Variants in DPP9 observed in about 807,000 individuals in gnomAD.
The protein encoded by DPP9 is dipeptidyl peptidase IV-related protein-2.
DPP9 carries 50 observed loss-of-function variants against 110.7 expected under a neutral mutation model. That is an observed-to-expected ratio of 0.45 (90% CI 0.36 to 0.57). DPP9 has a LOEUF of 0.57. Among genes scored for constraint, DPP9 ranks in the 20% least tolerant of loss-of-function variants. The pLI is 0.00. For missense variants in DPP9, 1,022 were observed against 1,217.9 expected, an observed-to-expected ratio of 0.84 and a Z score of 2.39; for synonymous variants, 561 against 514.4, an observed-to-expected ratio of 1.09 and a Z score of -1.23.
Position 4,704,176 on chromosome 19 carries a change from G to T in DPP9, c.555C>A (p.Ser185Arg). 6.2e-7 allele frequency: 1 copy of T among 1,614,018 alleles called. No individual in the cohort carries two copies. The highest frequency in any genetic ancestry group is 8.5e-7 in the Non-Finnish European group (1 of 1,179,900). ...SESGLFLFQA[S>R]NSLFHCRDGG... ...CGTCGCGGCAGTGGAAGAGGCTGTT[G>T]CTGGCCTGGAAGAGGAAGAGGCCAC... The change falls in exon 6 of 22, where the codon AGC becomes AGA. Residue 185 changes from serine to arginine, a missense_variant. Transcript: ENST00000262960. The surrounding 1 kb of genome is among the most constrained non-coding windows in gnomAD (Gnocchi z 6.0).
chr19:4,702,582 T>G (rs755951750), intron 8 of DPP9, 21 bp downstream of exon 8: 2 of 1,562,088 alleles, frequency 1.3e-6, no homozygotes, highest in South Asian at 2.3e-5. Flanking sequence ...GGGAGCATGT[T>G]GAAAAATGGA....
chr19:4,709,211 C>T (rs2092721097), intron 4 of DPP9, among the ~76,000 whole-genome samples: 1 of 152,120 alleles, frequency 6.6e-6, no homozygotes, highest in Non-Finnish European at 1.5e-5. Context: ...AGCCACCACA[C>T]CCGGCCAGTT....
chr19:4,676,465 C>G lies in DPP9; in HGVS notation c.*99G>C. 2 of 1,051,598 alleles carry G rather than the reference C, an allele frequency of 1.9e-6. No individual in the cohort carries two copies. Among genetic ancestry groups the G allele is most frequent in the South Asian group, 1.4e-5 (1 of 73,132 alleles). 65.1% of individuals were successfully genotyped at this position (1,051,598 alleles called of 1,614,324 possible). A position where few individuals can be genotyped will look rare whatever the true frequency, so the allele number is the denominator to read the frequency against. On this transcript the variant is annotated 3_prime_UTR_variant, in exon 22 of 22. Coordinates refer to ENST00000262960, the MANE Select transcript of DPP9 (RefSeq NM_139159.5). The surrounding 1 kb of genome is among the most constrained non-coding windows in gnomAD (Gnocchi z 4.0). The stretch of plus-strand genomic sequence containing the variant: ...GGCCAGCGCTGGGCGGGACAAAGTG[C>G]CTCACTGGGGCCCGCGGGCCACTCA...
At position 4,698,960 on chromosome 19, in the gene DPP9, C is replaced by T. The variant is rs980787387; in HGVS notation, c.1074+1256G>A. 9.2e-5 allele frequency among the ~76,000 whole-genome samples: 14 copies of T among 151,760 alleles called. No individual in the cohort carries two copies. Among genetic ancestry groups the T allele is most frequent in the Admixed American group, 4.6e-4 (7 of 15,222 alleles). On this transcript the variant is annotated intron_variant, in intron 10 of 21. Transcript: ENST00000262960. This position sits in a 1 kb window ranked among gnomAD's most constrained non-coding sequence, Gnocchi z 4.2. ...GATCACGAGGTCAGGAGATTGAGAC[C>T]GTCCTGGCTAACACGGTGAAACCCC... is the stretch of plus-strand genomic sequence containing the variant.
intron 13 of DPP9, among the ~76,000 whole-genome samples, chr19:4,692,897 C>T (rs1042863869): frequency 6.6e-6 from 1 of 152,148 alleles, no homozygotes; most frequent in Non-Finnish European, 1.5e-5. Flanking sequence ...AGGAGGACCC[C>T]GATGCTGGCC....
chr19:4,715,883 C>G (rs967026895), intron 3 of DPP9: 1 of 152,414 alleles, frequency 6.6e-6, no homozygotes, highest in East Asian at 1.9e-4. Context: ...CACTCCCGCC[C>G]TCGTCACTTA....
intron 21 of DPP9, among the ~76,000 whole-genome samples, chr19:4,678,734 G>A (rs2089283490): frequency 6.6e-6 from 1 of 152,084 alleles, no homozygotes; most frequent in Admixed American, 6.6e-5. Flanking sequence ...TCTGTTGAAA[G>A]GCAACAGGAC....
At chr19:4,678,708 G>A (rs1830642443) in intron 21 of DPP9, among the ~76,000 whole-genome samples, 1 of 152,044 alleles carries the variant, frequency 6.6e-6, no homozygotes, top group African/African-American at 2.4e-5. Flanking sequence ...CCTGCTCTGC[G>A]GCCCCATTTC....
chr19:4,693,530 C>T lies in DPP9; in HGVS notation c.1516+1131G>A, dbSNP rs2091512948. ...GACTGGACCTGCGGAGCCCTCCGGG[C>T]ATCCATGCCGCCTCCCTCCTCTCTG... On this transcript the variant is annotated intron_variant, in intron 13 of 21. Coordinates refer to ENST00000262960, the MANE Select transcript of DPP9 (RefSeq NM_139159.5). The surrounding 1 kb of genome is among the most constrained non-coding windows in gnomAD (Gnocchi z 5.0). 6.6e-6 allele frequency among the ~76,000 whole-genome samples: 1 copy of T among 152,160 alleles called. No homozygotes were observed. Among genetic ancestry groups the T allele is most frequent in the African/African-American group, 2.4e-5 (1 of 41,444 alleles).
chr19:4,686,114 CTTTTTCTTCTTTTTT>C (rs1288674836), intron 16 of DPP9, among the ~76,000 whole-genome samples: 4 of 150,992 alleles, frequency 2.6e-5, no homozygotes, highest in Non-Finnish European at 5.9e-5. Context: ...TGTTTTTTTT[CTTTTTCTTCTTTTTT>C]TTTTTCAAGA....
intron 16 of DPP9, among the ~76,000 whole-genome samples, chr19:4,686,236 A>G (rs1180133227): frequency 6.6e-6 from 1 of 150,744 alleles, no homozygotes; most frequent in Admixed American, 6.6e-5. Context: ...TTATAGGTGC[A>G]CGGCACCACG....
intron 14 of DPP9, 99 bp downstream of exon 14, chr19:4,690,779 G>T: frequency 1.1e-6 from 1 of 912,438 alleles, no homozygotes; most frequent in Non-Finnish European, 1.7e-6. Context: ...GTATGTGTGT[G>T]AGTGTATGTG....
chr19:4,720,082 CT>C, intron 2 of DPP9, 141 bp from the exon 3 acceptor site: 1 of 693,168 alleles, frequency 1.4e-6, no homozygotes, highest in Non-Finnish European at 2.5e-6. Context: ...CAAGGGCATT[CT>C]GAAGAGACGA....
intron 1 of DPP9, 60 bp from the exon 2 acceptor site, chr19:4,722,611 C>A: frequency 1.4e-6 from 1 of 700,910 alleles, no homozygotes; most frequent in South Asian, 1.5e-5. Context: ...GCCAGCCGTT[C>A]AGCCTCCCCC....
rs1214169782 is a variant in DPP9, at chr19:4,704,528, A to G, written c.427-224T>C. ...CCCTGCAGGACTGGCTGAGTGTCCT[A>G]GGAGGTGGCAGGGGAGACTCTGGGG... On this transcript the variant is annotated intron_variant, in intron 5 of 21. Coordinates refer to ENST00000262960, the MANE Select transcript of DPP9 (RefSeq NM_139159.5). This position sits in a 1 kb window ranked among gnomAD's most constrained non-coding sequence, Gnocchi z 6.0. 1.3e-5 allele frequency among the ~76,000 whole-genome samples: 2 copies of G among 152,056 alleles called. No homozygotes were observed. Among genetic ancestry groups the G allele is most frequent in the African/African-American group, 4.8e-5 (2 of 41,436 alleles).
rs1376566909 is a variant in DPP9 at position 4,689,920 on chromosome 19, C to A, written c.1597-198G>T. 6.6e-6 allele frequency among the ~76,000 whole-genome samples: 1 copy of A among 152,188 alleles called. No individual in the cohort carries two copies. The highest frequency in any genetic ancestry group is 2.4e-5 in the African/African-American group (1 of 41,444). ...CTGGCCCCGTGGGCTGGGAGCAGCC[C>A]CTGGTCGAGCTGGGAACTGCGTGTC... On this transcript the variant is annotated intron_variant, in intron 14 of 21. Transcript: ENST00000262960. This position sits in a 1 kb window ranked among gnomAD's most constrained non-coding sequence, Gnocchi z 7.0.
rs2090860592 is a variant in DPP9, at chr19:4,687,394, C to T, written c.1885+1363G>A. Among the ~76,000 whole-genome samples, 1 of 152,218 alleles carries T rather than the reference C, an allele frequency of 6.6e-6. No individual in the cohort carries two copies. ...TGCTGACCCGCTGGTTTTCATCCCA[C>T]ACTCTGTATATACAGTTTCGTTGAT... is the stretch of plus-strand genomic sequence containing the variant. On this transcript the variant is annotated intron_variant, in intron 16 of 21. Transcript: ENST00000262960. This position sits in a 1 kb window ranked among gnomAD's most constrained non-coding sequence, Gnocchi z 4.7.
At chr19:4,702,312 C>A (rs959877556) in intron 8 of DPP9, among the ~76,000 whole-genome samples, 157 bp from the exon 9 acceptor site, 1 of 152,206 alleles carries the variant, frequency 6.6e-6, no homozygotes, top group Non-Finnish European at 1.5e-5. Flanking sequence ...TTATGCCAGT[C>A]CCAACTCTCT....
intron 2 of DPP9, among the ~76,000 whole-genome samples, chr19:4,720,950 G>A (rs760646860): frequency 6.6e-6 from 1 of 152,224 alleles, no homozygotes; most frequent in Non-Finnish European, 1.5e-5. Flanking sequence ...TCAGGGTGAG[G>A]ATTTCAATGT....
Sources: allele counts gnomAD v4.1 joint callset (sites outside exome capture counted in the v4.1 genomes callset), GRCh38; gene constraint gnomAD v4.1.1; non-coding constraint Gnocchi (gnomAD v3.1); transcripts MANE v1.5; gene names NCBI Gene and HGNC (gene_info 2026-07-23, HGNC 2026-07-21).